CNTN1: variants seen among roughly 807,000 people sequenced by gnomAD.
CNTN1 encodes the protein contactin 1.
Under a neutral mutation model 126.4 loss-of-function variants are expected in CNTN1, and 38 were observed. The ratio of observed to expected loss-of-function variants is 0.30; its 90% CI spans 0.23 to 0.39. The LOEUF (loss-of-function observed/expected upper bound fraction) is 0.39. Ranked by LOEUF, CNTN1 falls within the 10% of genes least tolerant of loss-of-function variation. The pLI is 1.00. For missense variants in CNTN1, 1,009 were observed against 1,248.4 expected (o/e 0.81, Z 2.89); for synonymous variants, 413 against 422.6 (o/e 0.98, Z 0.28).
chr12:40,911,838 G>A (rs1403015484), intron 3 of CNTN1, among the ~76,000 whole-genome samples: 1 of 152,108 alleles, frequency 6.6e-6, no homozygotes, highest in East Asian at 1.9e-4. Context: ...CAAGCCCATC[G>A]CTAGCAAGAG....
At chr12:40,772,945 G>T (rs1355349908) in intron 1 of CNTN1, among the ~76,000 whole-genome samples, 1 of 151,842 alleles carries the variant, frequency 6.6e-6, no homozygotes, top group Non-Finnish European at 1.5e-5. Context: ...CAGGTAAGTG[G>T]AAAAGAAGTA....
intron 1 of CNTN1, among the ~76,000 whole-genome samples, chr12:40,761,335 A>T (rs1283535821): frequency 6.6e-6 from 1 of 152,112 alleles, no homozygotes; most frequent in African/African-American, 2.4e-5. Flanking sequence ...GTATCTTTTA[A>T]AAGCATCCTA....
chr12:40,744,093 A>G (rs1938065160), intron 1 of CNTN1, among the ~76,000 whole-genome samples: 1 of 152,056 alleles, frequency 6.6e-6, no homozygotes, highest in African/African-American at 2.4e-5. Flanking sequence ...ATGAGAACAC[A>G]TGGACACAAG....
At chr12:41,043,490 C>G (rs564863544) in intron 23 of CNTN1, among the ~76,000 whole-genome samples, 34 of 152,204 alleles carry the variant, frequency 2.2e-4, no homozygotes, top group African/African-American at 7.9e-4. Flanking sequence ...ATTAAAAAGT[C>G]AGGAAACAAC....
intron 12 of CNTN1, among the ~76,000 whole-genome samples, chr12:40,942,070 G>C (rs1383411619): frequency 1.3e-5 from 2 of 152,048 alleles, no homozygotes; most frequent in East Asian, 1.9e-4. Context: ...ATTTAAGAAA[G>C]AATCATCATT....
At chr12:41,023,459 A>C (rs184516415) in intron 20 of CNTN1, among the ~76,000 whole-genome samples, 66 of 152,334 alleles carry the variant, frequency 4.3e-4, no homozygotes, top group Non-Finnish European at 1.2e-4. Flanking sequence ...TAGTGTAGGT[A>C]AGCTAGAAGA....
chr12:40,696,591 T>C (rs1941457703), intron 1 of CNTN1, among the ~76,000 whole-genome samples: 1 of 152,236 alleles, frequency 6.6e-6, no homozygotes, highest in Non-Finnish European at 1.5e-5. Context: ...TAAAAAGCAC[T>C]GATTTTGGAG....
intron 1 of CNTN1, among the ~76,000 whole-genome samples, chr12:40,830,362 T>A (rs1306218104): frequency 6.6e-6 from 1 of 152,076 alleles, no homozygotes; most frequent in African/African-American, 2.4e-5. Flanking sequence ...AGATAGTGAT[T>A]ATTATGGCAA....
chr12:40,749,102 T>C (rs1434516635), intron 1 of CNTN1, among the ~76,000 whole-genome samples: 1 of 152,154 alleles, frequency 6.6e-6, no homozygotes, highest in Non-Finnish European at 1.5e-5. Context: ...ATTAGTGCTA[T>C]CTGAAAAGCA....
At chr12:41,018,601 T>G (rs1344668396) in intron 19 of CNTN1, among the ~76,000 whole-genome samples, 1 of 151,108 alleles carries the variant, frequency 6.6e-6, no homozygotes, top group Non-Finnish European at 1.5e-5. Context: ...AGTATATATG[T>G]GTGTATATAT....
intron 1 of CNTN1, among the ~76,000 whole-genome samples, chr12:40,897,151 T>A (rs1944440463): frequency 6.6e-6 from 1 of 152,166 alleles, no homozygotes; most frequent in Admixed American, 6.5e-5. Flanking sequence ...GAAATGATAG[T>A]GTATCATTGG....
chr12:41,061,684 T>C, intron 23 of CNTN1: 2 of 396,546 alleles, frequency 5.0e-6, no homozygotes, highest in Non-Finnish European at 1.0e-5. Flanking sequence ...AAATATATTA[T>C]GGTTTGCCTA....
At chr12:40,945,645 T>G (rs752919524) in intron 14 of CNTN1, among the ~76,000 whole-genome samples, 12 of 149,670 alleles carry the variant, frequency 8.0e-5, no homozygotes, top group Non-Finnish European at 1.5e-4. Flanking sequence ...TGCTGGTACA[T>G]GTAAATAATG....
At chr12:40,926,193 A>ATAGATAGG (rs1438134926) in intron 6 of CNTN1, among the ~76,000 whole-genome samples, 1 of 151,658 alleles carries the variant, frequency 6.6e-6, no homozygotes, top group Non-Finnish European at 1.5e-5. Flanking sequence ...AGATAGATAG[A>ATAGATAGG]TAGATAGATA....
intron 1 of CNTN1, among the ~76,000 whole-genome samples, chr12:40,823,172 T>C (rs1320717382): frequency 9.2e-5 from 14 of 152,214 alleles, no homozygotes. Flanking sequence ...TTTCTATCTC[T>C]ACTTTTTAAA....
At chr12:41,034,049 CA>C (rs933194615) in intron 23 of CNTN1, among the ~76,000 whole-genome samples, 1 of 151,224 alleles carries the variant, frequency 6.6e-6, no homozygotes, top group African/African-American at 2.4e-5. Flanking sequence ...GACTCCACCT[CA>C]AAAAAATAAA....
At chr12:40,991,806 T>C (rs550203948) in intron 16 of CNTN1, among the ~76,000 whole-genome samples, 23 of 152,190 alleles carry the variant, frequency 1.5e-4, no homozygotes, top group African/African-American at 5.3e-4. Flanking sequence ...CCAGCCTGGG[T>C]GACAGAGTGA....
At chr12:40,747,900 A>C (rs1456197020) in intron 1 of CNTN1, among the ~76,000 whole-genome samples, 1 of 152,184 alleles carries the variant, frequency 6.6e-6, no homozygotes, top group Non-Finnish European at 1.5e-5. Flanking sequence ...AGCAATCAGT[A>C]GTCTGAGTTG....
rs1950149017 is a variant in CNTN1, at chr12:41,071,019, G to C, written c.*984G>C. On this transcript the variant is annotated 3_prime_UTR_variant, in exon 24 of 24. Coordinates refer to ENST00000551295, the MANE Select transcript of CNTN1 (RefSeq NM_001843.4). ...CTAAGTATTACGTTTCTTTATTGCA[G>C]ATGTCAGATCAAAAAGTCACCTGTA... 6.6e-6 allele frequency: 1 copy of C among 151,832 alleles called. No homozygotes were observed. The highest frequency in any genetic ancestry group is 6.6e-5 in the Admixed American group (1 of 15,232). The allele number at this position is 151,832 out of a possible 1,614,324, so 9.4% of individuals were successfully genotyped here. A position where few individuals can be genotyped will look rare whatever the true frequency, so the allele number is the denominator to read the frequency against.
Sources: gnomAD v4.1 joint callset for allele counts (sites outside exome capture counted in the v4.1 genomes callset) on GRCh38, gnomAD v4.1.1 for gene constraint, MANE v1.5 for transcripts, NCBI Gene and HGNC (gene_info 2026-07-23, HGNC 2026-07-21) for gene names.